The following PIK3C2G variants were observed in gnomAD, a reference collection of about 807,000 sequenced individuals.
The protein encoded by PIK3C2G is phosphatidylinositol 3-kinase C2 domain-containing subunit gamma.
Under a neutral mutation model 181.1 loss-of-function variants are expected in PIK3C2G, and 168 were observed. The observed-to-expected ratio is 0.93, with a 90% CI of 0.82 to 1.05. PIK3C2G has a LOEUF of 1.05. Among genes scored for constraint, PIK3C2G ranks in the 50% least tolerant of loss-of-function variants. The probability of loss-of-function intolerance (pLI) is 0.00; values close to 1 mark genes in which losing one functional copy is unlikely to be tolerated. For missense variants in PIK3C2G, 1,869 were observed against 1,732.8 expected, an observed-to-expected ratio of 1.08 and a Z score of -1.40; for synonymous variants, 573 against 592.2, an observed-to-expected ratio of 0.97 and a Z score of 0.47.
chr12:18,632,517 T>C (rs1411328553), intron 31 of PIK3C2G, among the ~76,000 whole-genome samples: 1 of 152,154 alleles, frequency 6.6e-6, no homozygotes, highest in African/African-American at 2.4e-5. Flanking sequence ...GACATAGTCA[T>C]AAGCATCAAT....
intron 30 of PIK3C2G, among the ~76,000 whole-genome samples, chr12:18,601,287 T>TA (rs397748081): frequency 0.038 from 5,423 of 142,556 alleles, 332 homozygotes; most frequent in African/African-American, 0.13. Flanking sequence ...AAATAAAAAT[T>TA]AAAAAAAAAA....
intron 5 of PIK3C2G, among the ~76,000 whole-genome samples, chr12:18,307,761 T>C (rs568828396): frequency 5.9e-4 from 89 of 152,052 alleles, no homozygotes; most frequent in African/African-American, 2.0e-3. Flanking sequence ...TTTAATGCTT[T>C]TTCTCTCTTT....
chr12:18,312,821 G>A (rs544484541), intron 5 of PIK3C2G, among the ~76,000 whole-genome samples: 1 of 151,908 alleles, frequency 6.6e-6, no homozygotes, highest in Non-Finnish European at 1.5e-5. Flanking sequence ...TAAAAACAAC[G>A]TTAAAATAGA....
In PIK3C2G at chr12:18,377,934, G is replaced by A. The variant is rs529665692; in HGVS notation, c.1881-3832G>A. On this transcript the variant is annotated intron_variant, in intron 13 of 32. Coordinates refer to ENST00000538779, the MANE Select transcript of PIK3C2G (RefSeq NM_001288772.2). ...TGCAATGGTGTGATCTCAGCTTACC[G>A]CAACCTCCACCTCTCGGGTTTAAGT... Among the ~76,000 whole-genome samples, 13 of 152,118 alleles carry A rather than the reference G, an allele frequency of 8.5e-5. No individual in the cohort carries two copies. The South Asian group carries it at 1.7e-3, about 19-fold the overall frequency.
At chr12:18,695,053 G>A in the PIK3C2G span, 26 of 1,613,004 alleles carry the variant, frequency 1.6e-5, no homozygotes, top group Non-Finnish European at 2.0e-5. Flanking sequence ...TCCATGGGCA[G>A]ACCAGGGGTC....
At chr12:18,450,724 C>G (rs1947299892) in intron 18 of PIK3C2G, among the ~76,000 whole-genome samples, 1 of 151,976 alleles carries the variant, frequency 6.6e-6, no homozygotes, top group Admixed American at 6.6e-5. Flanking sequence ...GATTTTAAGT[C>G]TTTAATCCAT....
intron 24 of PIK3C2G, among the ~76,000 whole-genome samples, chr12:18,513,964 T>C (rs1002237087): frequency 6.6e-6 from 1 of 151,812 alleles, no homozygotes; most frequent in African/African-American, 2.4e-5. Flanking sequence ...TGATTTTTCT[T>C]CTGCTTTGAC....
intron 14 of PIK3C2G, among the ~76,000 whole-genome samples, chr12:18,384,890 T>C (rs1320720324): frequency 6.6e-6 from 1 of 152,212 alleles, no homozygotes; most frequent in East Asian, 1.9e-4. Flanking sequence ...AGCATGATTT[T>C]AATTGGTGAT....
intron 13 of PIK3C2G, among the ~76,000 whole-genome samples, chr12:18,376,691 G>A (rs1288128255): frequency 6.6e-6 from 1 of 152,194 alleles, no homozygotes; most frequent in African/African-American, 2.4e-5. Flanking sequence ...GTTGGAGGTA[G>A]GACACGGTGG....
intron 15 of PIK3C2G, among the ~76,000 whole-genome samples, chr12:18,396,180 A>G (rs1219968835): frequency 6.6e-6 from 1 of 151,658 alleles, no homozygotes; most frequent in Non-Finnish European, 1.5e-5. Flanking sequence ...GATTTTATAT[A>G]TAAGCATTTA....
intron 20 of PIK3C2G, among the ~76,000 whole-genome samples, chr12:18,494,535 T>C (rs1236255533): frequency 2.0e-5 from 3 of 152,146 alleles, no homozygotes; most frequent in Non-Finnish European, 4.4e-5. Context: ...CACTCAAATA[T>C]ATACCGCACA....
At chr12:18,445,343 TA>T (rs1384759952) in intron 18 of PIK3C2G, among the ~76,000 whole-genome samples, 1 of 151,970 alleles carries the variant, frequency 6.6e-6, no homozygotes, top group Non-Finnish European at 1.5e-5. Context: ...GTATGGTTCT[TA>T]AACACAAGAA....
intron 24 of PIK3C2G, among the ~76,000 whole-genome samples, chr12:18,526,120 C>T (rs969376794): frequency 6.6e-6 from 1 of 152,000 alleles, no homozygotes; most frequent in Non-Finnish European, 1.5e-5. Flanking sequence ...TCTAAATCTT[C>T]CCAATTTAAA....
At chr12:18,557,380 A>G (rs916708838) in intron 26 of PIK3C2G, among the ~76,000 whole-genome samples, 7 of 152,138 alleles carry the variant, frequency 4.6e-5, no homozygotes, top group African/African-American at 1.4e-4. Context: ...AACATTTAAG[A>G]CTCAGTACTT....
At chr12:18,609,403 T>C in intron 30 of PIK3C2G, 132 bp from the exon 31 acceptor site, 1 of 591,266 alleles carries the variant, frequency 1.7e-6, no homozygotes, top group Non-Finnish European at 3.0e-6. Context: ...AGCATTAAGA[T>C]TCTTCAACAT....
intron 26 of PIK3C2G, among the ~76,000 whole-genome samples, chr12:18,547,916 T>C (rs539704241): frequency 8.5e-5 from 13 of 152,058 alleles, no homozygotes; most frequent in Admixed American, 3.3e-4. Context: ...TCTCAACTAA[T>C]GGGGATGGGT....
chr12:18,440,859 G>T (rs9634066), intron 18 of PIK3C2G, among the ~76,000 whole-genome samples: 1 of 151,964 alleles, frequency 6.6e-6, no homozygotes, highest in Non-Finnish European at 1.5e-5. Context: ...TTGATCTATT[G>T]AAGTGTGAAG....
chr12:18,276,319 T>C (rs971309893), intron 1 of PIK3C2G, among the ~76,000 whole-genome samples: 9 of 152,168 alleles, frequency 5.9e-5, no homozygotes, highest in Admixed American at 5.2e-4. Flanking sequence ...TATGTGAAAA[T>C]AGGAGGCTAA....
At chr12:18,468,403 A>G (rs1938127647) in intron 18 of PIK3C2G, among the ~76,000 whole-genome samples, 1 of 151,974 alleles carries the variant, frequency 6.6e-6, no homozygotes, top group Non-Finnish European at 1.5e-5. Flanking sequence ...TACTCTATTC[A>G]CCACCTCACA....
Sources: allele counts gnomAD v4.1 joint callset (sites outside exome capture counted in the v4.1 genomes callset), GRCh38; gene constraint gnomAD v4.1.1; transcripts MANE v1.5; gene names NCBI Gene and HGNC (gene_info 2026-07-23, HGNC 2026-07-21).